Variants in POLA1 observed in about 807,000 individuals in gnomAD.
The protein encoded by POLA1 is DNA polymerase alpha catalytic subunit.
In POLA1, 15 loss-of-function variants were observed where a neutral mutation model predicts 124.0. That is an observed-to-expected ratio of 0.12 (90% CI 0.08 to 0.19). The LOEUF (loss-of-function observed/expected upper bound fraction) is 0.19, where lower values mean the gene tolerates loss of function less well. Among genes scored for constraint, POLA1 ranks in the 10% least tolerant of loss-of-function variants. POLA1 has a pLI of 1.00. For missense variants in POLA1, 886 were observed against 1,103.4 expected (o/e 0.80, Z 2.79); for synonymous variants, 408 against 389.4 (o/e 1.05, Z -0.56).
Position 24,826,600 on chromosome X carries a change from G to T in POLA1, c.3735G>T (p.Leu1245Phe). Residue 1245 changes from leucine (L) to phenylalanine (F), a missense_variant and splice_region_variant, in exon 32 of 37, where the codon TTG becomes TTT. Leu to Phe is a conservative substitution (Grantham distance 22). Around this residue, in one of 7 missense-constraint regions of POLA1, gnomAD observed 313 missense variants for 359.7 expected, o/e 0.87. Transcript: ENST00000379068. Reference sequence around the variant, plus strand: ...ATGCTGTCCTCATTGCAACGTGGTTGGGTAAGTGTCCCAAGCTCACATAGA... The same window carrying T: ...ATGCTGTCCTCATTGCAACGTGGTTTGGTAAGTGTCCCAAGCTCACATAGA... ...GIDAVLIATW[L>F]GLDPTQFRVH... 1 of 1,182,400 alleles carries T rather than the reference G, an allele frequency of 8.5e-7. No homozygotes were observed. The highest frequency in any genetic ancestry group is 1.7e-5 in the African/African-American group (1 of 57,224).
chrX:24,767,396 A>G (rs1030220455), intron 26 of POLA1, among the ~76,000 whole-genome samples: 3 of 111,794 alleles, frequency 2.7e-5, no homozygotes, highest in African/African-American at 9.8e-5. Flanking sequence ...ATGAACTTCC[A>G]GAGAGAATTA....
At chrX:24,732,955 T>C (rs1931027706) in intron 16 of POLA1, among the ~76,000 whole-genome samples, 2 of 112,159 alleles carry the variant, frequency 1.8e-5, no homozygotes, top group South Asian at 7.4e-4. Flanking sequence ...AAGTTCTGCA[T>C]ATGTGTTTTA....
chrX:24,787,347 G>T (rs1244608995), intron 26 of POLA1, among the ~76,000 whole-genome samples: 2 of 111,581 alleles, frequency 1.8e-5, no homozygotes, highest in African/African-American at 6.5e-5. Flanking sequence ...ATGGTTTCCA[G>T]TCTTACATTT....
At chrX:24,788,409 C>T (rs2045412598) in intron 26 of POLA1, 6 of 1,190,571 alleles carry the variant, frequency 5.0e-6, no homozygotes, top group Non-Finnish European at 6.7e-6. Context: ...TTGTTGAAAG[C>T]AGCCACATCC....
intron 2 of POLA1, among the ~76,000 whole-genome samples, chrX:24,699,999 T>A (rs1391038566): frequency 2.0e-5 from 2 of 100,081 alleles, no homozygotes; most frequent in Non-Finnish European, 2.0e-5. Context: ...TCTGCCGTGT[T>A]CTGCTTGTAA....
intron 36 of POLA1, among the ~76,000 whole-genome samples, chrX:24,991,785 C>T (rs1321659483): frequency 1.8e-5 from 2 of 112,550 alleles, no homozygotes; most frequent in Non-Finnish European, 3.7e-5. Context: ...AGAAAGAAAA[C>T]TGAAGATAAT....
At chrX:24,895,201 A>G (rs775922533) in intron 35 of POLA1, among the ~76,000 whole-genome samples, 2 of 112,562 alleles carry the variant, frequency 1.8e-5, no homozygotes, top group African/African-American at 3.2e-5. Flanking sequence ...AATGGAGACC[A>G]AAACTAACAG....
chrX:24,771,502 A>G (rs1246108310), intron 26 of POLA1, among the ~76,000 whole-genome samples: 1 of 111,728 alleles, frequency 9.0e-6, no homozygotes, highest in African/African-American at 3.3e-5. Flanking sequence ...TAACTCTTGT[A>G]ATCTGGGATG....
intron 31 of POLA1, among the ~76,000 whole-genome samples, chrX:24,825,128 CTTA>C (rs2046152052): frequency 8.9e-6 from 1 of 112,118 alleles, no homozygotes; most frequent in African/African-American, 3.2e-5. Context: ...TGGTTGTCAC[CTTA>C]TTATCATCTT....
intron 26 of POLA1, among the ~76,000 whole-genome samples, chrX:24,802,265 G>A (rs892687942): frequency 6.3e-5 from 7 of 110,854 alleles, no homozygotes; most frequent in African/African-American, 2.3e-4. Flanking sequence ...TGGGTACCGT[G>A]ACTTAGCCAA....
At chrX:24,811,771 G>T (rs1300932656) in intron 28 of POLA1, among the ~76,000 whole-genome samples, 1 of 110,994 alleles carries the variant, frequency 9.0e-6, no homozygotes, top group Non-Finnish European at 1.9e-5. Context: ...TAGGATTCAG[G>T]TGCATTTTAT....
intron 36 of POLA1, among the ~76,000 whole-genome samples, chrX:24,959,749 A>G (rs1184564100): frequency 4.5e-5 from 5 of 111,931 alleles, no homozygotes; most frequent in African/African-American, 1.3e-4. Context: ...TTACATGCTG[A>G]AAGGATAATA....
chrX:24,937,065 G>T (rs1439131341), intron 36 of POLA1, among the ~76,000 whole-genome samples: 1 of 111,766 alleles, frequency 8.9e-6, no homozygotes, highest in East Asian at 2.8e-4. Flanking sequence ...TGATCTGAGG[G>T]TTTTTAAAAA....
At chrX:24,855,944 C>T (rs1306707579) in intron 34 of POLA1, among the ~76,000 whole-genome samples, 1 of 112,226 alleles carries the variant, frequency 8.9e-6, no homozygotes, top group Non-Finnish European at 1.9e-5. Flanking sequence ...CAAGGATCAG[C>T]TGTATATTTA....
rs1010607400 is a variant in POLA1 at position 24,801,101 on chromosome X, G to C, written c.2965-8797G>C. 4.5e-5 allele frequency among the ~76,000 whole-genome samples: 5 copies of C among 112,250 alleles called. 1 individual carries two copies. The South Asian group carries it at 1.8e-3, about 41-fold the overall frequency. On this transcript the variant is annotated intron_variant, in intron 26 of 36. Transcript: ENST00000379068. ...GTTGTATGGGAGAGGTACACTTATA[G>C]TCAAGTTTATAATTAATGGGCCTTT...
At chrX:24,784,926 G>A (rs2045335311) in intron 26 of POLA1, among the ~76,000 whole-genome samples, 1 of 111,360 alleles carries the variant, frequency 9.0e-6, no homozygotes, top group Non-Finnish European at 1.9e-5. Flanking sequence ...AGAAGCGACC[G>A]ACTGACAGTA....
intron 26 of POLA1, among the ~76,000 whole-genome samples, chrX:24,791,848 G>T (rs768192018): frequency 7.5e-4 from 84 of 112,107 alleles, no homozygotes; most frequent in African/African-American, 2.5e-3. Flanking sequence ...ATGAAAAAAT[G>T]TCCAAAAAGA....
intron 36 of POLA1, among the ~76,000 whole-genome samples, chrX:24,947,243 A>ATTT (rs2047973739): frequency 9.3e-5 from 3 of 32,390 alleles, no homozygotes; most frequent in South Asian, 2.6e-3. Flanking sequence ...TTCCCTGCAG[A>ATTT]TTCTTTTTTT....
At chrX:24,971,230 C>A (rs1357240260) in intron 36 of POLA1, among the ~76,000 whole-genome samples, 1 of 111,825 alleles carries the variant, frequency 8.9e-6, no homozygotes, top group East Asian at 2.8e-4. Flanking sequence ...TCTGTTCAAT[C>A]TTGAACCCTC....
Sources: allele counts gnomAD v4.1 joint callset (sites outside exome capture counted in the v4.1 genomes callset), GRCh38; gene constraint gnomAD v4.1.1; regional missense constraint gnomAD v4.1.1; transcripts MANE v1.5; gene names NCBI Gene and HGNC (gene_info 2026-07-23, HGNC 2026-07-21).